NAB1: variants seen among roughly 807,000 people sequenced by gnomAD.
NAB1 encodes NGFI-A binding protein 1.
Under a neutral mutation model 49.9 loss-of-function variants are expected in NAB1, and 25 were observed. That is an observed-to-expected ratio of 0.50 (90% CI 0.37 to 0.70). The LOEUF (loss-of-function observed/expected upper bound fraction) is 0.70. Ranked by LOEUF, NAB1 falls within the 30% of genes least tolerant of loss-of-function variation. The probability of loss-of-function intolerance (pLI) is 0.00; values close to 1 mark genes in which losing one functional copy is unlikely to be tolerated. For missense variants in NAB1, 489 were observed against 575.9 expected, an observed-to-expected ratio of 0.85 and a Z score of 1.54; for synonymous variants, 198 against 215.6, an observed-to-expected ratio of 0.92 and a Z score of 0.71.
At chr2:190,668,721 A>G (rs922507641) in intron 4 of NAB1, among the ~76,000 whole-genome samples, 4 of 152,206 alleles carry the variant, frequency 2.6e-5, no homozygotes, top group Non-Finnish European at 4.4e-5. Flanking sequence ...AATTTTAAGT[A>G]AGAAAAATTA....
rs753540602 is a variant in NAB1 at position 190,659,559 on chromosome 2, C to G, written c.383C>G (p.Pro128Arg). The change falls in exon 4 of 10, where the codon CCC (proline) becomes CGC (arginine). Residue 128 changes from proline to arginine, a missense_variant. This residue lies in a region of NAB1 where 204 missense variants were observed against 220.9 expected (regional missense o/e 0.92). Coordinates refer to ENST00000337386, the MANE Select transcript of NAB1 (RefSeq NM_005966.4). This position sits in a 1 kb window ranked among gnomAD's most constrained non-coding sequence, Gnocchi z 6.2. ...GCCCGGGAACCTCATTTAAAAATCC[C>G]CAAATGTGCTGCCACCACCTGTGTG... is the stretch of plus-strand genomic sequence containing the variant. ...SNAREPHLKI[P>R]KCAATTCVQS... is the part of the protein sequence containing the mutation. The G allele has an allele frequency of 6.2e-7, 1 of 1,614,210 alleles. No individual in the cohort carries two copies.
In NAB1 at chr2:190,670,533, A is replaced by G; in HGVS notation, c.953+74A>G. ...AGAGTTCGAAACATCATCTATTGAT[A>G]GAATATAAGCATTTCTGAAAAAGTG... On this transcript the variant is annotated intron_variant, in intron 5 of 9. Transcript: ENST00000337386. The surrounding 1 kb of genome is among the most constrained non-coding windows in gnomAD (Gnocchi z 5.3). 5.5e-6 allele frequency: 8 copies of G among 1,461,128 alleles called. No homozygotes were observed. Among genetic ancestry groups the G allele is most frequent in the South Asian group, 1.2e-5 (1 of 82,152 alleles). The allele number at this position is 1,461,128 out of a possible 1,614,324, so 90.5% of individuals were successfully genotyped here. A position where few individuals can be genotyped will look rare whatever the true frequency, so the allele number is the denominator to read the frequency against.
chr2:190,681,459 T>G (rs557767897), intron 6 of NAB1, among the ~76,000 whole-genome samples: 87 of 152,148 alleles, frequency 5.7e-4, no homozygotes, highest in Non-Finnish European at 1.1e-3. Flanking sequence ...CTGGAATGGC[T>G]AAGAAAAAGG....
intron 9 of NAB1, among the ~76,000 whole-genome samples, chr2:190,687,617 C>G (rs552837649): frequency 3.9e-5 from 6 of 152,268 alleles, no homozygotes; most frequent in African/African-American, 1.4e-4. Flanking sequence ...CATAGCACTT[C>G]CTGGTCCCAG....
Position 190,676,006 on chromosome 2 carries a change from G to A in NAB1, c.1005+2854G>A, listed in dbSNP as rs1348437598. ...TATTTCCGGAAGCTGTTATGAGGTA[G>A]ATAGTACTGGCTGTATAAAGTTACC... On this transcript the variant is annotated intron_variant, in intron 6 of 9. Coordinates refer to ENST00000337386, the MANE Select transcript of NAB1 (RefSeq NM_005966.4). The surrounding 1 kb of genome is among the most constrained non-coding windows in gnomAD (Gnocchi z 4.6). 6.6e-6 allele frequency among the ~76,000 whole-genome samples: 1 copy of A among 152,202 alleles called. No homozygotes were observed. The highest frequency in any genetic ancestry group is 2.4e-5 in the African/African-American group (1 of 41,444).
Position 190,685,357 on chromosome 2 carries a change from T to C in NAB1, c.1096-119T>C. 1 of 861,702 alleles carries C rather than the reference T, an allele frequency of 1.2e-6. No individual in the cohort carries two copies. Among genetic ancestry groups the C allele is most frequent in the South Asian group, 1.9e-5 (1 of 51,982 alleles). The allele number at this position is 861,702 out of a possible 1,614,324, so 53.4% of individuals were successfully genotyped here. A position where few individuals can be genotyped will look rare whatever the true frequency, so the allele number is the denominator to read the frequency against. ...TATGGAATTTGTATACCACATGAAG[T>C]GTGAACTAATTTTAATGAATACTAA... On this transcript the variant is annotated intron_variant, in intron 7 of 9. Coordinates refer to ENST00000337386, the MANE Select transcript of NAB1 (RefSeq NM_005966.4). The surrounding 1 kb of genome is among the most constrained non-coding windows in gnomAD (Gnocchi z 4.5).
rs560442533 is a variant in NAB1, at chr2:190,684,864, A to G, written c.1096-612A>G. ...TTATATGTCAGTTGACTAATTGTAT[A>G]TTTAAAATATGCCTTTTTATGATTG... On this transcript the variant is annotated intron_variant, in intron 7 of 9. Coordinates refer to ENST00000337386, the MANE Select transcript of NAB1 (RefSeq NM_005966.4). The surrounding 1 kb of genome is among the most constrained non-coding windows in gnomAD (Gnocchi z 4.6). 1.3e-5 allele frequency among the ~76,000 whole-genome samples: 2 copies of G among 152,364 alleles called. No individual in the cohort carries two copies. Among genetic ancestry groups the G allele is most frequent in the Admixed American group, 1.3e-4 (2 of 15,302 alleles).
At position 190,676,639 on chromosome 2, in the gene NAB1, C is replaced by T. The variant is rs146090087; in HGVS notation, c.1005+3487C>T. On this transcript the variant is annotated intron_variant, in intron 6 of 9. Transcript: ENST00000337386. This position sits in a 1 kb window ranked among gnomAD's most constrained non-coding sequence, Gnocchi z 4.6. ...GGAGGCTGAGGTGGGAGAATCACTGCCCCACTGCACTCCAGCCCGGGCAAC... is the reference window on the plus strand; with the variant it reads ...GGAGGCTGAGGTGGGAGAATCACTGTCCCACTGCACTCCAGCCCGGGCAAC... Among the ~76,000 whole-genome samples the T allele has an allele frequency of 6.6e-6, 1 of 152,134 alleles. No homozygotes were observed. Among genetic ancestry groups the T allele is most frequent in the Non-Finnish European group, 1.5e-5 (1 of 68,024 alleles).
intron 9 of NAB1, 50 bp from the exon 10 acceptor site, chr2:190,690,195 G>A (rs748626611): frequency 1.6e-6 from 2 of 1,246,068 alleles, no homozygotes; most frequent in East Asian, 2.3e-5. Flanking sequence ...TTTGATTTTT[G>A]TAGTCCATTG....
rs1171442808 is a variant in NAB1, at chr2:190,674,243, T to G, written c.1005+1091T>G. Among the ~76,000 whole-genome samples the G allele has an allele frequency of 1.3e-5, 2 of 152,304 alleles. No homozygotes were observed. The highest frequency in any genetic ancestry group is 1.9e-4 in the East Asian group (1 of 5,188). On this transcript the variant is annotated intron_variant, in intron 6 of 9. Transcript: ENST00000337386. This position sits in a 1 kb window ranked among gnomAD's most constrained non-coding sequence, Gnocchi z 5.7. ...CTGACTGCAGCTTGCATCTCCTACC[T>G]TGTCTGCTGCCACACTCTCCATTCT...
In NAB1 at chr2:190,656,119, C is replaced by A. The variant is rs2293765; in HGVS notation, c.-54C>A. On this transcript the variant is annotated 5_prime_UTR_variant, in exon 3 of 10. Transcript: ENST00000337386. ...TGGAATTCATTGAAAAGTCAGACTC[C>A]GAGTGGTCGTTCCAGGATATCTTGA... 0.48 allele frequency: 72,665 copies of A among 152,064 alleles called. 18,868 individuals carry two copies. The highest frequency in any genetic ancestry group is 0.57 in the Non-Finnish European group (38,917 of 67,990). 9.4% of individuals were successfully genotyped at this position (152,064 alleles called of 1,614,324 possible).
At position 190,670,683 on chromosome 2, in the gene NAB1, C is replaced by G. The variant is rs1694758471; in HGVS notation, c.953+224C>G. On this transcript the variant is annotated intron_variant, in intron 5 of 9. Coordinates refer to ENST00000337386, the MANE Select transcript of NAB1 (RefSeq NM_005966.4). This position sits in a 1 kb window ranked among gnomAD's most constrained non-coding sequence, Gnocchi z 5.3. ...AGGCATCATTCTCTAGTTACTATAG[C>G]ATTGTTCTGGTAGTGGTTTTAAACA... 6.6e-6 allele frequency among the ~76,000 whole-genome samples: 1 copy of G among 152,190 alleles called. No homozygotes were observed. Among genetic ancestry groups the G allele is most frequent in the African/African-American group, 2.4e-5 (1 of 41,452 alleles).
In NAB1 at chr2:190,657,961, C is replaced by G. The variant is rs1694014351; in HGVS notation, c.-19-1197C>G. Among the ~76,000 whole-genome samples, 1 of 152,164 alleles carries G rather than the reference C, an allele frequency of 6.6e-6. No individual in the cohort carries two copies. The highest frequency in any genetic ancestry group is 6.5e-5 in the Admixed American group (1 of 15,292). On this transcript the variant is annotated intron_variant, in intron 3 of 9. Coordinates refer to ENST00000337386, the MANE Select transcript of NAB1 (RefSeq NM_005966.4). This position sits in a 1 kb window ranked among gnomAD's most constrained non-coding sequence, Gnocchi z 4.4. ...CAGGGTACTTTTAATCCTAAGGGTG[C>G]ATTTGATTACAACAAGTTTATTTGT... is the stretch of plus-strand genomic sequence containing the variant.
At chr2:190,672,859 T>C (rs950986807) in intron 5 of NAB1, among the ~76,000 whole-genome samples, 1 of 152,038 alleles carries the variant, frequency 6.6e-6, no homozygotes, top group Non-Finnish European at 1.5e-5. Context: ...CCAGAGGTGG[T>C]GAGTTCTTAG....
Position 190,679,896 on chromosome 2 carries a change from TCCAAACTCACTGC to T in NAB1, c.1006-3839_1006-3827del, listed in dbSNP as rs1695247088. ...CTCCAGCCTTGATTTTACCCCAAGC[TCCAAACTCACTGC>T]CCCTGCTTACCTGGCTTATCTACAC... On this transcript the variant is annotated intron_variant, in intron 6 of 9. Coordinates refer to ENST00000337386, the MANE Select transcript of NAB1 (RefSeq NM_005966.4). This position sits in a 1 kb window ranked among gnomAD's most constrained non-coding sequence, Gnocchi z 5.3. 6.6e-6 allele frequency among the ~76,000 whole-genome samples: 1 copy of T among 152,034 alleles called. No homozygotes were observed. The highest frequency in any genetic ancestry group is 2.4e-5 in the African/African-American group (1 of 41,376).
intron 4 of NAB1, among the ~76,000 whole-genome samples, chr2:190,664,614 T>TTTTTTTTTG (rs1553548974): frequency 7.2e-5 from 8 of 111,814 alleles, no homozygotes; most frequent in African/African-American, 7.6e-5. Context: ...TTTTTTTTTT[T>TTTTTTTTTG]GTAGGGACAG....
In NAB1 at chr2:190,677,994, C is replaced by G. The variant is rs1044745167; in HGVS notation, c.1005+4842C>G. ...TGGTGGCAGTTATTATTTTCTAATC[C>G]AAGAAATGTTATGTAGTAAACAGTT... On this transcript the variant is annotated intron_variant, in intron 6 of 9. Coordinates refer to ENST00000337386, the MANE Select transcript of NAB1 (RefSeq NM_005966.4). This position sits in a 1 kb window ranked among gnomAD's most constrained non-coding sequence, Gnocchi z 5.6. 2.6e-5 allele frequency among the ~76,000 whole-genome samples: 4 copies of G among 152,004 alleles called. No homozygotes were observed. In the South Asian group the frequency reaches 8.3e-4, roughly 32 times the overall value.
At chr2:190,662,019 AGTT>A (rs1278457950) in intron 4 of NAB1, among the ~76,000 whole-genome samples, 1 of 152,188 alleles carries the variant, frequency 6.6e-6, no homozygotes, top group Non-Finnish European at 1.5e-5. Context: ...AATTAGCAGA[AGTT>A]TTTTTAGTTC....
chr2:190,653,141 C>T (rs886869067), intron 2 of NAB1, among the ~76,000 whole-genome samples: 1 of 152,154 alleles, frequency 6.6e-6, no homozygotes, highest in Non-Finnish European at 1.5e-5. Context: ...CTGTTTCAGC[C>T]TCTCGTGTAC....
Sources: gnomAD v4.1 joint callset for allele counts (sites outside exome capture counted in the v4.1 genomes callset) on GRCh38, gnomAD v4.1.1 for gene constraint, gnomAD v4.1.1 regional missense constraint, Gnocchi (gnomAD v3.1) non-coding constraint, MANE v1.5 for transcripts, NCBI Gene and HGNC (gene_info 2026-07-23, HGNC 2026-07-21) for gene names.